Variants in KCNMB4 observed in about 807,000 individuals in gnomAD.
KCNMB4 encodes the protein potassium calcium-activated channel subfamily M regulatory beta subunit 4.
A neutral mutation model predicts 20.7 loss-of-function variants in KCNMB4; 3 were observed. That is an observed-to-expected ratio of 0.14 (90% confidence interval 0.07 to 0.37). The LOEUF (loss-of-function observed/expected upper bound fraction) is 0.37. Among genes scored for constraint, KCNMB4 ranks in the 10% least tolerant of loss-of-function variants. The pLI is 1.00. For synonymous variants in KCNMB4, 110 were observed against 113.4 expected (o/e 0.97, Z 0.19); for missense variants, 168 against 265.9 (o/e 0.63, Z 2.56).
At position 70,429,540 on chromosome 12, in the gene KCNMB4, G is replaced by A. The variant is rs904876009; in HGVS notation, c.465-945G>A. On this transcript the variant is annotated intron_variant, in intron 2 of 2. Coordinates refer to ENST00000258111, the MANE Select transcript of KCNMB4 (RefSeq NM_014505.6). ...AAATTAGCTGGACGTGGTGGCGGGC[G>A]CCTGTAGTCCCAGCTACTCAGGAGG... Among the ~76,000 whole-genome samples the A allele has an allele frequency of 1.2e-4, 18 of 151,928 alleles. No individual in the cohort carries two copies. The South Asian group carries it at 2.7e-3, about 23-fold the overall frequency.
intron 2 of KCNMB4, among the ~76,000 whole-genome samples, chr12:70,422,377 C>T (rs1869089650): frequency 6.6e-6 from 1 of 152,204 alleles, no homozygotes; most frequent in African/African-American, 2.4e-5. Flanking sequence ...TTTCAAAATC[C>T]TGCACTTCTG....
At chr12:70,394,490 A>G (rs1456983302) in intron 1 of KCNMB4, among the ~76,000 whole-genome samples, 1 of 152,118 alleles carries the variant, frequency 6.6e-6, no homozygotes, top group Non-Finnish European at 1.5e-5. Context: ...TAGCTTTCAG[A>G]TGTGGATAAA....
chr12:70,369,708 A>G (rs1471465720), intron 1 of KCNMB4, among the ~76,000 whole-genome samples: 2 of 152,262 alleles, frequency 1.3e-5, no homozygotes, highest in Non-Finnish European at 2.9e-5. Context: ...TTCTTAAGCC[A>G]TAAGCTGCTG....
chr12:70,428,581 A>G (rs1375205604), intron 2 of KCNMB4, among the ~76,000 whole-genome samples: 1 of 152,166 alleles, frequency 6.6e-6, no homozygotes, highest in Non-Finnish European at 1.5e-5. Flanking sequence ...GATTCTTTCT[A>G]TCCTGTGTCC....
intron 2 of KCNMB4, among the ~76,000 whole-genome samples, chr12:70,424,559 G>C (rs1869157960): frequency 6.6e-6 from 1 of 152,132 alleles, no homozygotes; most frequent in East Asian, 1.9e-4. Context: ...AGACCAGCCT[G>C]GCCAACGTGA....
intron 2 of KCNMB4, among the ~76,000 whole-genome samples, chr12:70,408,906 C>G (rs746995064): frequency 8.5e-5 from 13 of 152,074 alleles, no homozygotes; most frequent in Admixed American, 2.0e-4. Flanking sequence ...TACTTTGAAA[C>G]CCCCTTTTCA....
chr12:70,424,928 A>G (rs1869170100), intron 2 of KCNMB4, among the ~76,000 whole-genome samples: 1 of 152,180 alleles, frequency 6.6e-6, no homozygotes. Context: ...ACAACTAGAC[A>G]CACTGGCTAA....
rs757331385 is a variant in KCNMB4 at position 70,366,685 on chromosome 12, G to A, written c.-50G>A. On this transcript the variant is annotated 5_prime_UTR_variant, in exon 1 of 3. Transcript: ENST00000258111. Reference sequence around the variant, plus strand: ...CCCGAGGCAGTCGGGCTCGGCGCCGGGGGCGGGAGGGGGCGGGGGGAGCAC... The same window carrying A: ...CCCGAGGCAGTCGGGCTCGGCGCCGAGGGCGGGAGGGGGCGGGGGGAGCAC... The A allele has an allele frequency of 7.3e-7, 1 of 1,363,738 alleles. No individual in the cohort carries two copies. Among genetic ancestry groups the A allele is most frequent in the Non-Finnish European group, 9.5e-7 (1 of 1,049,766 alleles). 84.5% of individuals were successfully genotyped at this position (1,363,738 alleles called of 1,614,324 possible). A position where few individuals can be genotyped will look rare whatever the true frequency, so the allele number is the denominator to read the frequency against.
At chr12:70,422,970 G>A in intron 2 of KCNMB4, 1 of 431,606 alleles carries the variant, frequency 2.3e-6, no homozygotes, top group Non-Finnish European at 3.3e-6. Flanking sequence ...CATCTGAAGG[G>A]ACGGTCATCT....
intron 2 of KCNMB4, among the ~76,000 whole-genome samples, chr12:70,407,043 A>G (rs1868623904): frequency 6.6e-6 from 1 of 152,142 alleles, no homozygotes; most frequent in South Asian, 2.1e-4. Flanking sequence ...CACAAATTAA[A>G]GGGTCCAGCC....
In KCNMB4 at chr12:70,430,605, G is replaced by T; in HGVS notation, c.585G>T (p.Lys195Asn). The change falls in exon 3 of 3, where the codon AAG (lysine) becomes AAT (asparagine). Residue 195 changes from lysine (K) to asparagine (N), a missense_variant. Physicochemically the swap from Lys to Asn is moderately conservative, Grantham distance 94. Coordinates refer to ENST00000258111, the MANE Select transcript of KCNMB4 (RefSeq NM_014505.6). The stretch of plus-strand genomic sequence containing the variant: ...TTGTGGTCCTGACCATCTGTGCCAA[G>T]AGCTTGGCGGTCAAGGCGGAAGCCA... ...VLIVVLTICA[K>N]SLAVKAEAMK... 1 of 1,613,168 alleles carries T rather than the reference G, an allele frequency of 6.2e-7. No individual in the cohort carries two copies. Among genetic ancestry groups the T allele is most frequent in the Non-Finnish European group, 8.5e-7 (1 of 1,179,758 alleles).
chr12:70,397,280 C>A (rs899378735), intron 1 of KCNMB4, among the ~76,000 whole-genome samples: 1 of 152,032 alleles, frequency 6.6e-6, no homozygotes, highest in Non-Finnish European at 1.5e-5. Flanking sequence ...CCCAAGAGTT[C>A]AAGGCTGCAG....
intron 1 of KCNMB4, among the ~76,000 whole-genome samples, chr12:70,385,764 T>C (rs896193678): frequency 6.6e-6 from 1 of 152,188 alleles, no homozygotes; most frequent in Non-Finnish European, 1.5e-5. Context: ...TCTATGCCAA[T>C]AAATTTGAAC....
At chr12:70,404,777 T>C (rs1346178425) in intron 2 of KCNMB4, among the ~76,000 whole-genome samples, 1 of 152,240 alleles carries the variant, frequency 6.6e-6, no homozygotes, top group Non-Finnish European at 1.5e-5. Flanking sequence ...ATTTGAGAGA[T>C]TCTTAAAATA....
intron 2 of KCNMB4, among the ~76,000 whole-genome samples, chr12:70,407,592 C>T (rs978874285): frequency 2.6e-4 from 39 of 150,804 alleles, no homozygotes; most frequent in Non-Finnish European, 5.2e-4. Context: ...CTCAGCCTCC[C>T]GAGTAGCTGG....
At chr12:70,428,945 A>G (rs911439295) in intron 2 of KCNMB4, among the ~76,000 whole-genome samples, 5 of 152,364 alleles carry the variant, frequency 3.3e-5, no homozygotes, top group Admixed American at 6.5e-5. Context: ...TTGAAATACT[A>G]TGAAATAAAA....
chr12:70,417,792 T>G (rs1025217086), intron 2 of KCNMB4, among the ~76,000 whole-genome samples: 1 of 152,188 alleles, frequency 6.6e-6, no homozygotes, highest in African/African-American at 2.4e-5. Context: ...CTTATTCCAC[T>G]AACATTTACT....
intron 1 of KCNMB4, among the ~76,000 whole-genome samples, chr12:70,377,750 A>G (rs1363474487): frequency 1.3e-5 from 2 of 152,140 alleles, no homozygotes; most frequent in Non-Finnish European, 2.9e-5. Context: ...AGTTTAGGTA[A>G]TATCTAGGTT....
chr12:70,408,722 C>T (rs1484126988), intron 2 of KCNMB4, among the ~76,000 whole-genome samples: 1 of 151,994 alleles, frequency 6.6e-6, no homozygotes, highest in Non-Finnish European at 1.5e-5. Context: ...CCACTCTTTG[C>T]CTCCCTTAAC....
Sources: gnomAD v4.1 joint callset for allele counts (sites outside exome capture counted in the v4.1 genomes callset) on GRCh38, gnomAD v4.1.1 for gene constraint, MANE v1.5 for transcripts, NCBI Gene and HGNC (gene_info 2026-07-23, HGNC 2026-07-21) for gene names.